ZNF207: variants seen among roughly 807,000 people sequenced by gnomAD.
The protein encoded by ZNF207 is BUB3-interacting and GLEBS motif-containing protein ZNF207.
In ZNF207, 24 loss-of-function variants were observed where a neutral mutation model predicts 60.2. The ratio of observed to expected loss-of-function variants is 0.40; its 90% CI spans 0.29 to 0.56. ZNF207 has a LOEUF of 0.56. ZNF207 is among the 20% of genes least tolerant of loss of function. The pLI, the probability that ZNF207 is intolerant of heterozygous loss-of-function variation, is 0.49. For missense variants in ZNF207, 452 were observed against 636.6 expected (o/e 0.71, Z 3.12); for synonymous variants, 236 against 194.7 (o/e 1.21, Z -1.77).
At chr17:32,363,750 C>G (rs2150797905) in intron 7 of ZNF207, among the ~76,000 whole-genome samples, 1 of 151,034 alleles carries the variant, frequency 6.6e-6, no homozygotes. Flanking sequence ...CAGCTGGTCT[C>G]AAACTCCTGA....
Position 32,360,566 on chromosome 17 carries a change from A to G in ZNF207, c.308-32A>G, listed in dbSNP as rs187479607. On this transcript the variant is annotated intron_variant, in intron 3 of 11. Transcript: ENST00000394670. The stretch of plus-strand genomic sequence containing the variant: ...TTGTAAATAAACTTTCTTAGTTTTT[A>G]CTCTATGGAAATAATTTTTTTTTTT... 3 of 1,560,754 alleles carry G rather than the reference A, an allele frequency of 1.9e-6. No homozygotes were observed. In the East Asian group the frequency reaches 6.9e-5, roughly 36 times the overall value.
intron 7 of ZNF207, among the ~76,000 whole-genome samples, chr17:32,363,791 G>C (rs1200644568): frequency 6.6e-6 from 1 of 151,466 alleles, no homozygotes; most frequent in African/African-American, 2.4e-5. Context: ...TTGGCCTCCC[G>C]AAGTGCTGGG....
rs1904408419 is a variant in ZNF207, at chr17:32,354,782, T to A, written c.168+2870T>A. Among the ~76,000 whole-genome samples, 2 of 152,032 alleles carry A rather than the reference T, an allele frequency of 1.3e-5. 1 individual carries two copies. Among genetic ancestry groups the A allele is most frequent in the Non-Finnish European group, 2.9e-5 (2 of 67,974 alleles). ...ACGCCTGCCATTGTGCCTAGCTAAT[T>A]GTTTTGTATTTTTAGTACAGATGGG... On this transcript the variant is annotated intron_variant, in intron 2 of 11. Coordinates refer to ENST00000394670, the MANE Select transcript of ZNF207 (RefSeq NM_001098507.2).
At chr17:32,350,745 T>A (rs938721123) in intron 1 of ZNF207, among the ~76,000 whole-genome samples, 2 of 152,300 alleles carry the variant, frequency 1.3e-5, no homozygotes, top group Admixed American at 1.3e-4. Context: ...CACCCACTTT[T>A]TCTGTTTTTA....
Position 32,366,618 on chromosome 17 carries a change from C to A in ZNF207, c.829-47C>A, listed in dbSNP as rs374290308. The stretch of plus-strand genomic sequence containing the variant: ...AGTCTACCACATGGCTTATTTTGAC[C>A]CATTTGTTTGGAGACTTTTCATTGT... On this transcript the variant is annotated intron_variant, in intron 8 of 11. Coordinates refer to ENST00000394670, the MANE Select transcript of ZNF207 (RefSeq NM_001098507.2). 1.5e-5 allele frequency: 23 copies of A among 1,522,334 alleles called. No homozygotes were observed. In the African/African-American group the frequency reaches 3.2e-4, roughly 21 times the overall value. The allele number at this position is 1,522,334 out of a possible 1,614,324, so 94.3% of individuals were successfully genotyped here.
intron 3 of ZNF207, among the ~76,000 whole-genome samples, chr17:32,359,538 ATC>A (rs1904737158): frequency 6.7e-6 from 1 of 150,374 alleles, no homozygotes; most frequent in African/African-American, 2.4e-5. Flanking sequence ...GTGAGCCACC[ATC>A]TCTCTCCCCT....
In ZNF207 at chr17:32,380,801, AC is replaced by A. The variant is rs1481073166; in HGVS notation, c.*11043del. On this transcript the variant is annotated 3_prime_UTR_variant, in exon 12 of 12. Coordinates refer to ENST00000394670, the MANE Select transcript of ZNF207 (RefSeq NM_001098507.2). ...GTGAAACCCCGTCTCTACTAAAAAT[AC>A]AAAAATCAGCCGGGTGTGGTGGGAC... 1 of 152,200 alleles carries A rather than the reference AC, an allele frequency of 6.6e-6. No homozygotes were observed. Among genetic ancestry groups the A allele is most frequent in the Admixed American group, 6.5e-5 (1 of 15,278 alleles). The allele number at this position is 152,200 out of a possible 1,614,324, so 9.4% of individuals were successfully genotyped here. A position where few individuals can be genotyped will look rare whatever the true frequency, so the allele number is the denominator to read the frequency against.
At chr17:32,358,998 C>T (rs1391287874) in intron 3 of ZNF207, among the ~76,000 whole-genome samples, 2 of 152,146 alleles carry the variant, frequency 1.3e-5, no homozygotes, top group Non-Finnish European at 2.9e-5. Flanking sequence ...CGGGGTTTTA[C>T]CATGTTGGTC....
At chr17:32,363,269 G>A (rs1212061218) in intron 7 of ZNF207, among the ~76,000 whole-genome samples, 2 of 151,874 alleles carry the variant, frequency 1.3e-5, no homozygotes, top group African/African-American at 4.8e-5. Context: ...TGTGTATTTA[G>A]TAGAGACGGG....
chr17:32,364,975 G>A (rs191610960), intron 7 of ZNF207, among the ~76,000 whole-genome samples: 16 of 152,292 alleles, frequency 1.1e-4, no homozygotes, highest in African/African-American at 3.8e-4. Context: ...AGTTTTTACT[G>A]TAATTTGCAC....
rs753366458 is a variant in ZNF207 at position 32,367,841 on chromosome 17, A to G, written c.991A>G (p.Thr331Ala). 6 of 1,614,172 alleles carry G rather than the reference A, an allele frequency of 3.7e-6. No homozygotes were observed. In the Admixed American group the frequency reaches 8.3e-5, roughly 22 times the overall value. Reference protein sequence around the residue: ...KPLNSTPATTTEPPKPTFPAY... With the variant: ...KPLNSTPATTAEPPKPTFPAY... ...CTTAAATAGTACCCCTGCAACAACTACAGAACCCCCAAAGCCTACATTCCC... is the reference window on the plus strand; with the variant it reads ...CTTAAATAGTACCCCTGCAACAACTGCAGAACCCCCAAAGCCTACATTCCC... Residue 331 changes from threonine (T) to alanine (A), a missense_variant, in exon 10 of 12, where the codon ACA (threonine) becomes GCA (alanine). Around this residue, in one of 2 missense-constraint regions of ZNF207, gnomAD observed 390 missense variants for 461.4 expected, o/e 0.85. Coordinates refer to ENST00000394670, the MANE Select transcript of ZNF207 (RefSeq NM_001098507.2).
At chr17:32,363,394 T>C (rs2150797457) in intron 7 of ZNF207, among the ~76,000 whole-genome samples, 1 of 151,804 alleles carries the variant, frequency 6.6e-6, no homozygotes, top group South Asian at 2.1e-4. Flanking sequence ...GGCTGGCCCT[T>C]TCTTGAAGTT....
chr17:32,369,857 C>CTTTA lies in ZNF207; in HGVS notation c.*99_*102dup. On this transcript the variant is annotated 3_prime_UTR_variant, in exon 12 of 12. Transcript: ENST00000394670. ...TTCCGTCAATAAGGCTTCATTGTGA[C>CTTTA]TTTAACAAACATTATCTTCCCACAT... 8.1e-7 allele frequency: 1 copy of CTTTA among 1,236,928 alleles called. No individual in the cohort carries two copies. The highest frequency in any genetic ancestry group is 1.0e-6 in the Non-Finnish European group (1 of 952,880). The allele number at this position is 1,236,928 out of a possible 1,614,324, so 76.6% of individuals were successfully genotyped here. A position where few individuals can be genotyped will look rare whatever the true frequency, so the allele number is the denominator to read the frequency against.
intron 9 of ZNF207, among the ~76,000 whole-genome samples, chr17:32,367,282 T>TATATATATA (rs1445385221): frequency 2.9e-4 from 24 of 82,858 alleles, no homozygotes; most frequent in African/African-American, 1.3e-3. Context: ...TATATATATA[T>TATATATATA]ATAAAGAATA....
rs1905644838 is a variant in ZNF207 at position 32,375,451 on chromosome 17, G to A, written c.*5692G>A. Reference sequence around the variant, plus strand: ...TTATCTGGTTGAGTACTGGGGGTGGGAAGGATTTAGTAATGTCATAATCTG... The same window carrying A: ...TTATCTGGTTGAGTACTGGGGGTGGAAAGGATTTAGTAATGTCATAATCTG... On this transcript the variant is annotated 3_prime_UTR_variant, in exon 12 of 12. Coordinates refer to ENST00000394670, the MANE Select transcript of ZNF207 (RefSeq NM_001098507.2). The A allele has an allele frequency of 6.6e-6, 1 of 152,110 alleles. No individual in the cohort carries two copies. The highest frequency in any genetic ancestry group is 1.5e-5 in the Non-Finnish European group (1 of 67,988). The allele number at this position is 152,110 out of a possible 1,614,324, so 9.4% of individuals were successfully genotyped here.
chr17:32,351,308 C>A (rs942015278), intron 1 of ZNF207: 2 of 389,484 alleles, frequency 5.1e-6, no homozygotes, highest in East Asian at 1.2e-4. Flanking sequence ...ATTGTTCATT[C>A]GAAATTATGT....
rs554753600 is a variant in ZNF207, at chr17:32,376,136, A to G, written c.*6377A>G. On this transcript the variant is annotated 3_prime_UTR_variant, in exon 12 of 12. Coordinates refer to ENST00000394670, the MANE Select transcript of ZNF207 (RefSeq NM_001098507.2). The stretch of plus-strand genomic sequence containing the variant: ...TTAGTGCTGAGTTTTCTAAACTACT[A>G]TCTTAAGCTCTTAGGCACCCTATTA... 2.6e-5 allele frequency: 4 copies of G among 152,070 alleles called. No homozygotes were observed. The highest frequency in any genetic ancestry group is 5.9e-5 in the Non-Finnish European group (4 of 67,906). 9.4% of individuals were successfully genotyped at this position (152,070 alleles called of 1,614,324 possible). A position where few individuals can be genotyped will look rare whatever the true frequency, so the allele number is the denominator to read the frequency against.
chr17:32,350,168 T>C lies in ZNF207; in HGVS notation c.-118T>C. The C allele has an allele frequency of 6.6e-7, 1 of 1,521,166 alleles. No individual in the cohort carries two copies. Among genetic ancestry groups the C allele is most frequent in the Non-Finnish European group, 9.1e-7 (1 of 1,100,662 alleles). The allele number at this position is 1,521,166 out of a possible 1,614,324, so 94.2% of individuals were successfully genotyped here. A position where few individuals can be genotyped will look rare whatever the true frequency, so the allele number is the denominator to read the frequency against. ...CGGGGAACGAGGCCGTCGGCCATTT[T>C]GTGTCTGCTTCCTGTGGGACGTGGT... is the stretch of plus-strand genomic sequence containing the variant. On this transcript the variant is annotated 5_prime_UTR_variant, in exon 1 of 12. Coordinates refer to ENST00000394670, the MANE Select transcript of ZNF207 (RefSeq NM_001098507.2).
Position 32,381,276 on chromosome 17 carries a change from T to TA in ZNF207, c.*11519dup, listed in dbSNP as rs1905875730. ...GTAAGTCATACAAGGGATATGATTG[T>TA]AAGGAGGTCCTGAACAAAGCATGAT... On this transcript the variant is annotated 3_prime_UTR_variant, in exon 12 of 12. Coordinates refer to ENST00000394670, the MANE Select transcript of ZNF207 (RefSeq NM_001098507.2). The TA allele has an allele frequency of 6.6e-6, 1 of 152,214 alleles. No individual in the cohort carries two copies. The highest frequency in any genetic ancestry group is 2.4e-5 in the African/African-American group (1 of 41,464). The allele number at this position is 152,214 out of a possible 1,614,324, so 9.4% of individuals were successfully genotyped here.
Sources: gnomAD v4.1 joint callset for allele counts (sites outside exome capture counted in the v4.1 genomes callset) on GRCh38, gnomAD v4.1.1 for gene constraint, gnomAD v4.1.1 regional missense constraint, MANE v1.5 for transcripts, NCBI Gene and HGNC (gene_info 2026-07-23, HGNC 2026-07-21) for gene names.